The following COL24A1 variants were observed in gnomAD, a reference collection of about 807,000 sequenced individuals.
COL24A1 encodes collagen alpha-1(XXIV) chain.
COL24A1 carries 224 observed loss-of-function variants against 253.9 expected under a neutral mutation model. The ratio of observed to expected loss-of-function variants is 0.88; its 90% confidence interval spans 0.79 to 0.99. The LOEUF (loss-of-function observed/expected upper bound fraction) is 0.99, where lower values mean the gene tolerates loss of function less well. Ranked by LOEUF, COL24A1 falls within the 50% of genes least tolerant of loss-of-function variation. COL24A1 has a pLI of 0.00. For synonymous variants in COL24A1, 685 were observed against 673.7 expected, an observed-to-expected ratio of 1.02 and a Z score of -0.26; for missense variants, 2,131 against 2,068.5, an observed-to-expected ratio of 1.03 and a Z score of -0.59.
intron 1 of COL24A1, among the ~76,000 whole-genome samples, chr1:86,147,080 T>C (rs991469955): frequency 6.6e-6 from 1 of 152,282 alleles, no homozygotes; most frequent in South Asian, 2.1e-4. Flanking sequence ...AAATGATGTA[T>C]TTGTAAAATG....
chr1:85,795,022 T>C (rs1275349976), intron 47 of COL24A1, among the ~76,000 whole-genome samples: 1 of 152,172 alleles, frequency 6.6e-6, no homozygotes, highest in African/African-American at 2.4e-5. Flanking sequence ...CGATCAGTAA[T>C]GACAACAACA....
intron 18 of COL24A1, among the ~76,000 whole-genome samples, chr1:86,019,230 G>C (rs886851951): frequency 6.6e-6 from 1 of 152,016 alleles, no homozygotes; most frequent in African/African-American, 2.4e-5. Flanking sequence ...AGAAGGAAAG[G>C]TTTCCTGGTC....
chr1:85,923,257 T>C (rs1414809133), intron 24 of COL24A1, among the ~76,000 whole-genome samples: 1 of 152,122 alleles, frequency 6.6e-6, no homozygotes, highest in African/African-American at 2.4e-5. Context: ...ATTAGACAGA[T>C]CAACAAGACA....
intron 28 of COL24A1, among the ~76,000 whole-genome samples, chr1:85,899,721 G>A (rs1247162381): frequency 1.3e-5 from 2 of 152,150 alleles, no homozygotes; most frequent in Non-Finnish European, 1.5e-5. Context: ...TTAAGTGGCT[G>A]CCTAGATACA....
intron 7 of COL24A1, among the ~76,000 whole-genome samples, chr1:86,071,673 G>C (rs918816131): frequency 1.4e-4 from 21 of 151,980 alleles, no homozygotes; most frequent in Non-Finnish European, 2.1e-4. Context: ...ATAACAAAGG[G>C]GTCAATTCAG....
chr1:85,823,196 A>AT (rs901712121), intron 45 of COL24A1, among the ~76,000 whole-genome samples: 22 of 151,976 alleles, frequency 1.4e-4, no homozygotes, highest in Admixed American at 5.2e-4. Flanking sequence ...GGTTTGACTG[A>AT]TTTTTTTTAC....
chr1:85,879,246 G>GGGGTGTGTGT (rs759641342), intron 32 of COL24A1, among the ~76,000 whole-genome samples: 1 of 147,116 alleles, frequency 6.8e-6, no homozygotes, highest in Non-Finnish European at 1.5e-5. Flanking sequence ...TCATTTTGAG[G>GGGGTGTGTGT]GTGTGTGTGT....
At chr1:86,069,673 G>GA (rs71078638) in intron 7 of COL24A1, among the ~76,000 whole-genome samples, 1 of 146,690 alleles carries the variant, frequency 6.8e-6, no homozygotes, top group Non-Finnish European at 1.5e-5. Context: ...GAGAGAGAGA[G>GA]GAGAGACTCC....
At chr1:85,797,663 C>T (rs1046011738) in intron 47 of COL24A1, among the ~76,000 whole-genome samples, 3 of 152,178 alleles carry the variant, frequency 2.0e-5, no homozygotes, top group African/African-American at 7.2e-5. Flanking sequence ...CTCTCGGTCT[C>T]AGCTTCCTTT....
At chr1:85,881,576 G>T (rs562178643) in intron 32 of COL24A1, among the ~76,000 whole-genome samples, 1 of 152,268 alleles carries the variant, frequency 6.6e-6, no homozygotes, top group South Asian at 2.1e-4. Flanking sequence ...AGTGAGCTGA[G>T]ATCACGCCAC....
intron 37 of COL24A1, among the ~76,000 whole-genome samples, chr1:85,851,303 T>A (rs745616079): frequency 6.6e-6 from 1 of 152,124 alleles, no homozygotes; most frequent in African/African-American, 2.4e-5. Flanking sequence ...CTTAAAAAAA[T>A]GCTACAGGAT....
intron 55 of COL24A1, among the ~76,000 whole-genome samples, chr1:85,748,532 A>C (rs1407098437): frequency 1.3e-5 from 2 of 152,184 alleles, no homozygotes; most frequent in Non-Finnish European, 2.9e-5. Context: ...GGGAGGAGCC[A>C]AGATGGCCGA....
chr1:85,802,578 T>C (rs1480252800), intron 47 of COL24A1, among the ~76,000 whole-genome samples: 1 of 152,186 alleles, frequency 6.6e-6, no homozygotes, highest in African/African-American at 2.4e-5. Context: ...TATATACCTA[T>C]TTCACTGAGT....
rs927891388 is a variant in COL24A1 at position 85,818,031 on chromosome 1, T to C, written c.3843+3A>G. ...AGAAAGATGAAAGAGGCCTGTTACTTACAGGAATCCCAGGTTTCCCAGAAG... is the reference window on the plus strand; with the variant it reads ...AGAAAGATGAAAGAGGCCTGTTACTCACAGGAATCCCAGGTTTCCCAGAAG... On this transcript the variant is annotated splice_donor_region_variant and intron_variant, in intron 46 of 59. Transcript: ENST00000370571. The C allele has an allele frequency of 6.2e-7, 1 of 1,613,020 alleles. No individual in the cohort carries two copies. Among genetic ancestry groups the C allele is most frequent in the East Asian group, 2.2e-5 (1 of 44,878 alleles).
At chr1:85,995,855 C>T (rs685130) in intron 19 of COL24A1, among the ~76,000 whole-genome samples, 1,638 of 152,222 alleles carry the variant, frequency 0.011, 38 homozygotes, top group African/African-American at 0.036. Context: ...GCTCCGGCCA[C>T]GTAAGATGTT....
At chr1:86,120,875 A>G (rs1196667796) in intron 3 of COL24A1, among the ~76,000 whole-genome samples, 4 of 152,202 alleles carry the variant, frequency 2.6e-5, no homozygotes, top group African/African-American at 9.7e-5. Context: ...CACAATAGCA[A>G]AGACTTGGAA....
intron 2 of COL24A1, among the ~76,000 whole-genome samples, chr1:86,128,963 A>G (rs1407205205): frequency 1.3e-5 from 2 of 151,920 alleles, no homozygotes; most frequent in Non-Finnish European, 2.9e-5. Flanking sequence ...AGACAATAAA[A>G]TTGAAATTTC....
intron 1 of COL24A1, chr1:86,154,708 G>T (rs1156575636): frequency 3.3e-5 from 5 of 152,722 alleles, no homozygotes; most frequent in Middle Eastern, 3.1e-3. Context: ...TCCGGTGGTT[G>T]GTCACAACTA....
rs1676675399 is a variant in COL24A1, at chr1:85,842,106, G to A, written c.3532C>T (p.Pro1178Ser). ...GGTCCTGGCAATCCAGAGGGTCCTG[G>A]TTGGCCCTGATGGCCCTACGAAAGG... is the stretch of plus-strand genomic sequence containing the variant. The part of the protein sequence containing the change: ...IPGYRGHQGQ[P>S]GPSGLPGPKG... Residue 1178 changes from proline to serine, a missense_variant, in exon 41 of 60, where the codon CCA becomes TCA. Transcript: ENST00000370571. 6.2e-7 allele frequency: 1 copy of A among 1,613,712 alleles called. No homozygotes were observed. Among genetic ancestry groups the A allele is most frequent in the Non-Finnish European group, 8.5e-7 (1 of 1,179,776 alleles).
Sources: allele counts gnomAD v4.1 joint callset (sites outside exome capture counted in the v4.1 genomes callset), GRCh38; gene constraint gnomAD v4.1.1; transcripts MANE v1.5; gene names NCBI Gene and HGNC (gene_info 2026-07-23, HGNC 2026-07-21).